The following RYR2 variants were observed in gnomAD, a reference collection of about 807,000 sequenced individuals.
RYR2 encodes ryanodine receptor 2.
In RYR2, 227 loss-of-function variants were observed where a neutral mutation model predicts 601.1. The observed-to-expected ratio is 0.38, with a 90% CI of 0.34 to 0.42. The LOEUF (loss-of-function observed/expected upper bound fraction) is 0.42, where lower values mean the gene tolerates loss of function less well. RYR2 is among the 10% of genes least tolerant of loss of function. The pLI is 1.00. For missense variants in RYR2, 4,646 were observed against 6,156.5 expected (o/e 0.75, Z 8.21); for synonymous variants, 2,223 against 2,175.1 (o/e 1.02, Z -0.61).
At chr1:237,447,917 C>G (rs1287328351) in intron 14 of RYR2, among the ~76,000 whole-genome samples, 1 of 148,534 alleles carries the variant, frequency 6.7e-6, no homozygotes, top group Non-Finnish European at 1.5e-5. Flanking sequence ...CTTTCCCCTC[C>G]CCTTTCCTCC....
At chr1:237,046,516 T>C (rs536560953) in intron 1 of RYR2, among the ~76,000 whole-genome samples, 25 of 152,326 alleles carry the variant, frequency 1.6e-4, no homozygotes, top group Non-Finnish European at 3.4e-4. Flanking sequence ...AGATATGCAC[T>C]ATGGTATTTT....
At chr1:237,483,391 A>G (rs12142897) in intron 17 of RYR2, among the ~76,000 whole-genome samples, 4,689 of 152,280 alleles carry the variant, frequency 0.031, 113 homozygotes, top group Middle Eastern at 0.14. Flanking sequence ...TATTCATAAC[A>G]ATTTCTCCTC....
At chr1:237,476,317 C>G (rs1661391181) in intron 17 of RYR2, among the ~76,000 whole-genome samples, 1 of 151,920 alleles carries the variant, frequency 6.6e-6, no homozygotes, top group Non-Finnish European at 1.5e-5. Flanking sequence ...TGAAACCAGC[C>G]TGGCCAACAT....
intron 1 of RYR2, 149 bp from the exon 2 acceptor site, chr1:237,270,348 G>A: frequency 8.9e-7 from 1 of 1,120,378 alleles, no homozygotes; most frequent in East Asian, 2.6e-5. Context: ...TTCCGTAGGG[G>A]TTTCTTTTGG....
intron 71 of RYR2, among the ~76,000 whole-genome samples, chr1:237,714,077 T>G (rs1689062418): frequency 6.6e-6 from 1 of 152,104 alleles, no homozygotes; most frequent in Non-Finnish European, 1.5e-5. Flanking sequence ...GGAAAGAGCT[T>G]GGCTTTCAGA....
chr1:237,697,640 C>T (rs1484098688), intron 63 of RYR2, among the ~76,000 whole-genome samples: 1 of 149,354 alleles, frequency 6.7e-6, no homozygotes, highest in African/African-American at 2.5e-5. Flanking sequence ...CTATATCCCC[C>T]TTTAAAATGC....
chr1:237,202,525 A>G (rs1489980472), intron 1 of RYR2, among the ~76,000 whole-genome samples: 3 of 152,046 alleles, frequency 2.0e-5, no homozygotes, highest in Admixed American at 6.6e-5. Context: ...CTCCTGCCTC[A>G]GCCTCTTGAG....
chr1:237,416,618 C>A (rs749275546), intron 10 of RYR2, among the ~76,000 whole-genome samples: 2 of 151,890 alleles, frequency 1.3e-5, no homozygotes, highest in Non-Finnish European at 1.5e-5. Flanking sequence ...TTTGGAAGTG[C>A]AAATATTTAT....
chr1:237,582,937 T>TAC (rs995237694), intron 29 of RYR2, among the ~76,000 whole-genome samples: 2 of 138,590 alleles, frequency 1.4e-5, no homozygotes, highest in Admixed American at 1.4e-4. Flanking sequence ...TATATATATA[T>TAC]ATACCCAGTA....
At chr1:237,764,900 C>T (rs1481011594) in intron 84 of RYR2, among the ~76,000 whole-genome samples, 2 of 150,208 alleles carry the variant, frequency 1.3e-5, no homozygotes, top group Non-Finnish European at 3.0e-5. Context: ...CTGTGTGTTT[C>T]TTTGAGGTTT....
intron 1 of RYR2, among the ~76,000 whole-genome samples, chr1:237,262,839 G>A (rs1311042006): frequency 1.3e-5 from 2 of 151,960 alleles, no homozygotes; most frequent in Admixed American, 6.6e-5. Context: ...CCTAAACCTG[G>A]AAAAAAATCT....
At chr1:237,536,965 G>A (rs1668706459) in intron 25 of RYR2, among the ~76,000 whole-genome samples, 1 of 151,522 alleles carries the variant, frequency 6.6e-6, no homozygotes, top group Non-Finnish European at 1.5e-5. Context: ...AATGAGCAAA[G>A]GATATGAACA....
At chr1:237,356,603 A>G (rs1035581620) in intron 4 of RYR2, among the ~76,000 whole-genome samples, 1 of 152,104 alleles carries the variant, frequency 6.6e-6, no homozygotes, top group South Asian at 2.1e-4. Context: ...GACCATGTAG[A>G]AAAACGCAGT....
At chr1:237,636,304 C>T (rs1228768477) in intron 44 of RYR2, among the ~76,000 whole-genome samples, 1 of 152,040 alleles carries the variant, frequency 6.6e-6, no homozygotes, top group East Asian at 1.9e-4. Context: ...TTTGTCCTGC[C>T]TTTAGAGAAC....
At chr1:237,761,820 G>A (rs2149279905) in intron 84 of RYR2, among the ~76,000 whole-genome samples, 1 of 152,024 alleles carries the variant, frequency 6.6e-6, no homozygotes, top group South Asian at 2.1e-4. Flanking sequence ...GTTTTTGTTT[G>A]TTTTGTGTGG....
chr1:237,254,967 AACACTCATTTTCTT>A (rs1426988591), intron 1 of RYR2, among the ~76,000 whole-genome samples: 1 of 152,120 alleles, frequency 6.6e-6, no homozygotes, highest in Non-Finnish European at 1.5e-5. Flanking sequence ...TGCTAATGGG[AACACTCATTTTCTT>A]TAACAGCCAT....
intron 1 of RYR2, among the ~76,000 whole-genome samples, chr1:237,127,516 ATGCCCCCACCTCCCTC>A (rs1671609864): frequency 6.9e-6 from 1 of 144,218 alleles, no homozygotes; most frequent in Admixed American, 6.8e-5. Flanking sequence ...CGGGGGGCTG[ATGCCCCCACCTCCCTC>A]CCGGACGGGG....
chr1:237,449,675 T>C (rs1474121461), intron 14 of RYR2, among the ~76,000 whole-genome samples: 2 of 152,142 alleles, frequency 1.3e-5, no homozygotes, highest in Admixed American at 6.6e-5. Context: ...ATAGACTCTT[T>C]TGGCTTTTGT....
At chr1:237,147,174 G>T (rs1054524743) in intron 1 of RYR2, among the ~76,000 whole-genome samples, 5 of 152,150 alleles carry the variant, frequency 3.3e-5, no homozygotes, top group African/African-American at 1.2e-4. Flanking sequence ...CTACTATGCT[G>T]AATTGCATAT....
Sources: allele counts gnomAD v4.1 joint callset (sites outside exome capture counted in the v4.1 genomes callset), GRCh38; gene constraint gnomAD v4.1.1; transcripts MANE v1.5; gene names NCBI Gene and HGNC (gene_info 2026-07-23, HGNC 2026-07-21).